Variants in ZNF516 observed in about 807,000 individuals in gnomAD.
The protein encoded by ZNF516 is zinc finger protein 516.
In ZNF516, 19 loss-of-function variants were observed where a neutral mutation model predicts 79.7. The observed-to-expected ratio is 0.24, with a 90% CI of 0.17 to 0.35. The LOEUF is 0.35. Ranked by LOEUF, ZNF516 falls within the 10% of genes least tolerant of loss-of-function variation. The pLI is 1.00. For synonymous variants in ZNF516, 877 were observed against 739.5 expected (o/e 1.19, Z -3.02); for missense variants, 1,678 against 1,679.5 (o/e 1.00, Z 0.02).
At chr18:76,387,801 C>T (rs2075015497) in intron 3 of ZNF516, 1 of 152,220 alleles carries the variant, frequency 6.6e-6, no homozygotes, top group Non-Finnish European at 1.5e-5. Flanking sequence ...CTGGATAGAA[C>T]AGGGCAGTTC....
chr18:76,467,398 C>T lies in ZNF516; in HGVS notation c.-271-4257G>A, dbSNP rs190747802. ...CCCTCTGGGCTGGCAGGAAGTCCTG[C>T]GTGTCTCTTGTCCCAGAGAGGAAAT... On this transcript the variant is annotated intron_variant, in intron 1 of 6. Transcript: ENST00000443185. This position sits in a 1 kb window ranked among gnomAD's most constrained non-coding sequence, Gnocchi z 4.2. Among the ~76,000 whole-genome samples, 2 of 152,156 alleles carry T rather than the reference C, an allele frequency of 1.3e-5. No individual in the cohort carries two copies. The highest frequency in any genetic ancestry group is 3.9e-4 in the East Asian group (2 of 5,144).
At chr18:76,414,671 T>C (rs1232182326) in intron 3 of ZNF516, among the ~76,000 whole-genome samples, 5 of 152,270 alleles carry the variant, frequency 3.3e-5, no homozygotes, top group African/African-American at 1.2e-4. Context: ...AGAATAATTA[T>C]GTGAAAGATA....
chr18:76,425,909 G>A (rs554591890), intron 3 of ZNF516, among the ~76,000 whole-genome samples: 1 of 152,300 alleles, frequency 6.6e-6, no homozygotes, highest in South Asian at 2.1e-4. Context: ...GACAGCTGAC[G>A]TCGACACCCA....
chr18:76,375,628 C>G (rs2074775012), intron 4 of ZNF516, among the ~76,000 whole-genome samples: 1 of 147,034 alleles, frequency 6.8e-6, no homozygotes, highest in African/African-American at 2.5e-5. Flanking sequence ...CCTGGGAGAC[C>G]TGGGAAGGCC....
chr18:76,456,730 G>T lies in ZNF516; in HGVS notation c.-158+6298C>A, dbSNP rs982271337. On this transcript the variant is annotated intron_variant, in intron 2 of 6. Coordinates refer to ENST00000443185, the MANE Select transcript of ZNF516 (RefSeq NM_014643.4). Reference sequence around the variant, plus strand: ...CGTAACTCAGAAGGCAAAACTCACTGATTCACATGGGGGCTGGGGGGTGGG... The same window carrying T: ...CGTAACTCAGAAGGCAAAACTCACTTATTCACATGGGGGCTGGGGGGTGGG... Among the ~76,000 whole-genome samples, 11 of 47,334 alleles carry T rather than the reference G, an allele frequency of 2.3e-4. No individual in the cohort carries two copies. In the Admixed American group the frequency reaches 3.5e-3, roughly 15 times the overall value. 31.1% of individuals were successfully genotyped at this position (47,334 alleles called of 152,430 possible). A position where few individuals can be genotyped will look rare whatever the true frequency, so the allele number is the denominator to read the frequency against.
intron 5 of ZNF516, 50 bp downstream of exon 5, chr18:76,371,417 A>AAGG (rs1568232538): frequency 1.3e-6 from 2 of 1,521,638 alleles, no homozygotes; most frequent in East Asian, 4.7e-5. Flanking sequence ...GACAGAAGAG[A>AAGG]CCCCTCTTCC....
At position 76,442,165 on chromosome 18, in the gene ZNF516, G is replaced by A. The variant is rs373443391; in HGVS notation, c.890C>T (p.Ala297Val). 7.4e-6 allele frequency: 12 copies of A among 1,613,790 alleles called. No individual in the cohort carries two copies. The highest frequency in any genetic ancestry group is 1.7e-5 in the Admixed American group (1 of 60,014). ...CTTGCTGCCCGTCTTGGGGCCGTGC[G>A]CCTTCATGTGGTTCTTGAGGAACCA... is the stretch of plus-strand genomic sequence containing the variant. ...EPWFLKNHMK[A>V]HGPKTGSKNR... Residue 297 changes from alanine to valine, a missense_variant, in exon 3 of 7, where the codon GCG becomes GTG. Ala to Val is a moderately conservative substitution (Grantham distance 64, BLOSUM62 0). Transcript: ENST00000443185.
At chr18:76,389,481 A>G (rs1196857417) in intron 3 of ZNF516, 1 of 152,252 alleles carries the variant, frequency 6.6e-6, no homozygotes, top group Non-Finnish European at 1.5e-5. Context: ...AGCAGGAGGC[A>G]GCTCTCGGGA....
At chr18:76,439,786 C>T (rs2075790526) in intron 3 of ZNF516, among the ~76,000 whole-genome samples, 1 of 151,792 alleles carries the variant, frequency 6.6e-6, no homozygotes, top group Non-Finnish European at 1.5e-5. Context: ...AGTCCTAGCC[C>T]AATATTTTGT....
chr18:76,452,786 G>C (rs1187415664), intron 2 of ZNF516, among the ~76,000 whole-genome samples: 2 of 152,194 alleles, frequency 1.3e-5, no homozygotes, highest in African/African-American at 4.8e-5. Flanking sequence ...TGACCTGGGG[G>C]AGGAGGGGCA....
At chr18:76,376,030 G>T (rs868160200) in intron 4 of ZNF516, among the ~76,000 whole-genome samples, 4 of 152,260 alleles carry the variant, frequency 2.6e-5, no homozygotes, top group South Asian at 2.1e-4. Context: ...CAAGAGACCA[G>T]GTAGAGGATG....
intron 3 of ZNF516, among the ~76,000 whole-genome samples, chr18:76,440,377 C>T (rs2075798556): frequency 6.6e-6 from 1 of 152,156 alleles, no homozygotes; most frequent in African/African-American, 2.4e-5. Context: ...CTTAACAGTC[C>T]AGGTAAAAAG....
intron 5 of ZNF516, among the ~76,000 whole-genome samples, chr18:76,371,150 TA>T (rs1253095564): frequency 6.6e-6 from 1 of 152,242 alleles, no homozygotes; most frequent in Non-Finnish European, 1.5e-5. Flanking sequence ...GTGCTTTGAT[TA>T]AATGTGTGCT....
In ZNF516 at chr18:76,448,766, A is replaced by T. The variant is rs183922493; in HGVS notation, c.-157-5555T>A. 1.8e-3 allele frequency among the ~76,000 whole-genome samples: 271 copies of T among 152,282 alleles called. 2 individuals carry two copies. Among genetic ancestry groups the T allele is most frequent in the Non-Finnish European group, 3.2e-3 (221 of 68,024 alleles). Reference sequence around the variant, plus strand: ...GCACCTACCAAGTGCAAGGCCTCGTATCAGGAGCCAGAGAATCTAAGATGA... The same window carrying T: ...GCACCTACCAAGTGCAAGGCCTCGTTTCAGGAGCCAGAGAATCTAAGATGA... On this transcript the variant is annotated intron_variant, in intron 2 of 6. Coordinates refer to ENST00000443185, the MANE Select transcript of ZNF516 (RefSeq NM_014643.4).
chr18:76,447,481 G>A (rs17354961), intron 2 of ZNF516, among the ~76,000 whole-genome samples: 2,416 of 152,288 alleles, frequency 0.016, 31 homozygotes, highest in Middle Eastern at 0.054. Flanking sequence ...TCAAACGCAC[G>A]CCAAATACAA....
intron 3 of ZNF516, chr18:76,387,918 A>G (rs903025413): frequency 6.6e-6 from 1 of 152,222 alleles, no homozygotes; most frequent in Non-Finnish European, 1.5e-5. Context: ...ATGCCTCCCT[A>G]TCCTGTACCC....
chr18:76,417,391 A>G (rs1178244832), intron 3 of ZNF516, among the ~76,000 whole-genome samples: 1 of 152,232 alleles, frequency 6.6e-6, no homozygotes, highest in Non-Finnish European at 1.5e-5. Context: ...TAAAATCTCA[A>G]AAGTCTTCTG....
At chr18:76,433,496 C>T (rs577596999) in intron 3 of ZNF516, among the ~76,000 whole-genome samples, 2 of 152,342 alleles carry the variant, frequency 1.3e-5, no homozygotes, top group African/African-American at 2.4e-5. Context: ...TGGGGCCAGC[C>T]TGAGGCCCAG....
At chr18:76,466,549 C>T (rs573086335) in intron 1 of ZNF516, among the ~76,000 whole-genome samples, 20 of 152,340 alleles carry the variant, frequency 1.3e-4, no homozygotes, top group African/African-American at 4.8e-4. Flanking sequence ...CTGGCACGGC[C>T]GGACCCAAGT....
Sources: allele counts gnomAD v4.1 joint callset (sites outside exome capture counted in the v4.1 genomes callset), GRCh38; gene constraint gnomAD v4.1.1; non-coding constraint Gnocchi (gnomAD v3.1); transcripts MANE v1.5; gene names NCBI Gene and HGNC (gene_info 2026-07-23, HGNC 2026-07-21).